TTC7B: variants seen among roughly 807,000 people sequenced by gnomAD.
TTC7B encodes the protein tetratricopeptide repeat protein 7B.
Under a neutral mutation model 106.8 loss-of-function variants are expected in TTC7B, and 28 were observed. The ratio of observed to expected loss-of-function variants is 0.26; its 90% CI spans 0.19 to 0.36. The LOEUF (loss-of-function observed/expected upper bound fraction) is 0.36. Ranked by LOEUF, TTC7B falls within the 10% of genes least tolerant of loss-of-function variation. The pLI is 1.00. For synonymous variants in TTC7B, 405 were observed against 430.6 expected (o/e 0.94, Z 0.74); for missense variants, 862 against 1,076.4 (o/e 0.80, Z 2.79).
Position 90,794,621 on chromosome 14 carries a change from C to T in TTC7B, c.122-8293G>A, listed in dbSNP as rs553733739. The stretch of plus-strand genomic sequence containing the variant: ...AGTTTCCTGCTAGGCAGGTAGGTAT[C>T]GGCTCCTCAGTTCCAAAAGGAGCTG... On this transcript the variant is annotated intron_variant, in intron 1 of 19. Coordinates refer to ENST00000328459, the MANE Select transcript of TTC7B (RefSeq NM_001010854.2). Among the ~76,000 whole-genome samples, 12 of 152,210 alleles carry T rather than the reference C, an allele frequency of 7.9e-5. No individual in the cohort carries two copies. In the East Asian group the frequency reaches 2.1e-3, roughly 27 times the overall value.
intron 5 of TTC7B, among the ~76,000 whole-genome samples, chr14:90,724,855 C>G (rs1197087270): frequency 6.6e-6 from 1 of 152,166 alleles, no homozygotes; most frequent in Non-Finnish European, 1.5e-5. Flanking sequence ...TGACCCTACT[C>G]GAATGCATGA....
intron 5 of TTC7B, among the ~76,000 whole-genome samples, chr14:90,727,215 G>C (rs1269627958): frequency 6.6e-6 from 1 of 152,138 alleles, no homozygotes; most frequent in Non-Finnish European, 1.5e-5. Flanking sequence ...ACTGTCTGTG[G>C]GCGATGTCCT....
At chr14:90,715,807 T>C (rs2139972494) in intron 5 of TTC7B, among the ~76,000 whole-genome samples, 1 of 152,264 alleles carries the variant, frequency 6.6e-6, no homozygotes, top group South Asian at 2.1e-4. Flanking sequence ...AAGACCCCTG[T>C]CAGATGGTAT....
chr14:90,595,204 G>A (rs1892155725), intron 17 of TTC7B, among the ~76,000 whole-genome samples: 1 of 152,094 alleles, frequency 6.6e-6, no homozygotes, highest in Non-Finnish European at 1.5e-5. Flanking sequence ...GCGGTGGCAG[G>A]TGCCTGTAAT....
At chr14:90,554,990 G>C (rs1890242287) in intron 19 of TTC7B, among the ~76,000 whole-genome samples, 1 of 152,188 alleles carries the variant, frequency 6.6e-6, no homozygotes. Context: ...GGTTGTAGTG[G>C]TGACAGGGTA....
intron 19 of TTC7B, among the ~76,000 whole-genome samples, chr14:90,568,237 G>C (rs1297215626): frequency 1.3e-5 from 2 of 152,166 alleles, no homozygotes; most frequent in African/African-American, 4.8e-5. Flanking sequence ...CGGGAATCGG[G>C]ACCAGAATCT....
chr14:90,670,620 C>T (rs7143581), intron 9 of TTC7B, among the ~76,000 whole-genome samples: 52,963 of 152,018 alleles, frequency 0.35, 10,072 homozygotes, highest in East Asian at 0.6. Context: ...TCCTCCCAAA[C>T]GTGTTGGCAT....
chr14:90,790,019 C>T (rs1891530382), intron 1 of TTC7B, among the ~76,000 whole-genome samples: 1 of 152,034 alleles, frequency 6.6e-6, no homozygotes, highest in African/African-American at 2.4e-5. Flanking sequence ...ACACTCACAG[C>T]ACATGTCAGC....
Position 90,807,728 on chromosome 14 carries a change from G to C in TTC7B, c.121+8447C>G, listed in dbSNP as rs1232183682. On this transcript the variant is annotated intron_variant, in intron 1 of 19. Transcript: ENST00000328459. This position sits in a 1 kb window ranked among gnomAD's most constrained non-coding sequence, Gnocchi z 4.1. ...GGCTGTTTACAAATGTAGATTTCCA[G>C]CTTCTACCTTGGGCCGAGAGAATCA... is the stretch of plus-strand genomic sequence containing the variant. 6.6e-6 allele frequency among the ~76,000 whole-genome samples: 1 copy of C among 152,208 alleles called. No individual in the cohort carries two copies. Among genetic ancestry groups the C allele is most frequent in the Non-Finnish European group, 1.5e-5 (1 of 68,044 alleles).
At chr14:90,644,513 G>A (rs1274623755) in intron 14 of TTC7B, among the ~76,000 whole-genome samples, 1 of 152,154 alleles carries the variant, frequency 6.6e-6, no homozygotes, top group Admixed American at 6.5e-5. Flanking sequence ...TTCTCCCTGA[G>A]TAAACACTTT....
intron 6 of TTC7B, among the ~76,000 whole-genome samples, chr14:90,694,678 T>TTTTTATTTTATTACAAAATATA (rs1566840218): frequency 3.1e-3 from 144 of 45,958 alleles, no homozygotes; most frequent in African/African-American, 0.011. Context: ...TATATGTATA[T>TTTTTATTTTATTACAAAATATA]TTTTATTTTA....
chr14:90,610,828 C>A lies in TTC7B; in HGVS notation c.1880G>T (p.Arg627Leu). Reference protein sequence around the residue: ...YNLTNPSDSGRGSSLLDRTIA... With the variant: ...YNLTNPSDSGLGSSLLDRTIA... ...GGTTCTATCTAAGAGGCTGCTCCCA[C>A]GTCCAGAATCACTGCAAAACACAGC... The change falls in exon 17 of 20, where the codon CGT (arginine) becomes CTT (leucine). Residue 627 changes from arginine to leucine, a missense_variant. Transcript: ENST00000328459. 2 of 1,613,494 alleles carry A rather than the reference C, an allele frequency of 1.2e-6. No individual in the cohort carries two copies. The highest frequency in any genetic ancestry group is 1.7e-6 in the Non-Finnish European group (2 of 1,179,440).
At chr14:90,659,735 C>A (rs1886108411) in intron 9 of TTC7B, among the ~76,000 whole-genome samples, 1 of 151,912 alleles carries the variant, frequency 6.6e-6, no homozygotes, top group Non-Finnish European at 1.5e-5. Flanking sequence ...CCATGGGGAC[C>A]AATAAGCAAA....
Position 90,659,344 on chromosome 14 carries a change from A to G in TTC7B, c.1153-957T>C, listed in dbSNP as rs556052662. On this transcript the variant is annotated intron_variant, in intron 9 of 19. Coordinates refer to ENST00000328459, the MANE Select transcript of TTC7B (RefSeq NM_001010854.2). ...ATGGGGAAGGAAGCTGTCATGAATG[A>G]GTTTAGCACGGGAAATACTGAGTTC... 2.6e-5 allele frequency among the ~76,000 whole-genome samples: 4 copies of G among 151,984 alleles called. No homozygotes were observed. In the East Asian group the frequency reaches 7.7e-4, roughly 29 times the overall value.
intron 5 of TTC7B, among the ~76,000 whole-genome samples, chr14:90,728,775 C>T (rs1270954061): frequency 2.6e-5 from 4 of 152,182 alleles, no homozygotes; most frequent in Admixed American, 1.3e-4. Context: ...TTCCCGGGTC[C>T]GGACCTCCAT....
At chr14:90,777,486 G>A (rs1306527543) in intron 3 of TTC7B, among the ~76,000 whole-genome samples, 1 of 152,134 alleles carries the variant, frequency 6.6e-6, no homozygotes, top group African/African-American at 2.4e-5. Context: ...TTCCCAATCA[G>A]CAAAGGCTAA....
intron 3 of TTC7B, among the ~76,000 whole-genome samples, chr14:90,749,527 T>A (rs1278916910): frequency 1.3e-5 from 2 of 149,276 alleles, no homozygotes; most frequent in East Asian, 4.1e-4. Flanking sequence ...TGCTTCAGCC[T>A]CCCGAGTAGC....
chr14:90,654,216 C>G (rs535836922), intron 12 of TTC7B, among the ~76,000 whole-genome samples: 1 of 152,100 alleles, frequency 6.6e-6, no homozygotes, highest in Non-Finnish European at 1.5e-5. Flanking sequence ...AGGGGGCTGG[C>G]AAGGTTCTAG....
intron 3 of TTC7B, among the ~76,000 whole-genome samples, chr14:90,775,183 C>T (rs1418136803): frequency 1.3e-5 from 2 of 152,170 alleles, no homozygotes; most frequent in African/African-American, 4.8e-5. Context: ...CCCCTCTCCC[C>T]ATAACCAGAT....
Sources: allele counts gnomAD v4.1 joint callset (sites outside exome capture counted in the v4.1 genomes callset), GRCh38; gene constraint gnomAD v4.1.1; non-coding constraint Gnocchi (gnomAD v3.1); transcripts MANE v1.5; gene names NCBI Gene and HGNC (gene_info 2026-07-23, HGNC 2026-07-21).